Variants in IMPDH1 observed in about 807,000 individuals in gnomAD.
IMPDH1 encodes inosine monophosphate dehydrogenase 1, also known as inosine-5'-monophosphate dehydrogenase 1.
A neutral mutation model predicts 73.5 loss-of-function variants in IMPDH1; 41 were observed. That is an observed-to-expected ratio of 0.56 (90% CI 0.43 to 0.72). The LOEUF is 0.72. Among genes scored for constraint, IMPDH1 ranks in the 30% least tolerant of loss-of-function variants. The probability of loss-of-function intolerance (pLI) is 0.00; values close to 1 mark genes in which losing one functional copy is unlikely to be tolerated. For synonymous variants in IMPDH1, 318 were observed against 334.3 expected (o/e 0.95, Z 0.53); for missense variants, 645 against 824.8 (o/e 0.78, Z 2.67).
At position 128,392,981 on chromosome 7, in the gene IMPDH1, C is replaced by T. The variant is rs755272076; in HGVS notation, c.*26G>A. On this transcript the variant is annotated 3_prime_UTR_variant, in exon 17 of 17. Transcript: ENST00000338791. ...AGTGGACACTGGGGTGCATCCCCTC[C>T]ACCACCTCGGCCTCCACCGCTGTCC... The T allele has an allele frequency of 3.7e-6, 6 of 1,613,264 alleles. No homozygotes were observed. Among genetic ancestry groups the T allele is most frequent in the Non-Finnish European group, 5.1e-6 (6 of 1,179,386 alleles).
Position 128,409,953 on chromosome 7 carries a change from G to A in IMPDH1, c.-52C>T. ...GGAGCCTGGAGGCTCCCGGGGCCCCGGCTGGGCAGTGAGCGCAGCCCGGTC... is the reference window on the plus strand; with the variant it reads ...GGAGCCTGGAGGCTCCCGGGGCCCCAGCTGGGCAGTGAGCGCAGCCCGGTC... On this transcript the variant is annotated 5_prime_UTR_variant, in exon 1 of 17. Transcript: ENST00000338791. 2 of 1,316,430 alleles carry A rather than the reference G, an allele frequency of 1.5e-6. No individual in the cohort carries two copies. Among genetic ancestry groups the A allele is most frequent in the Non-Finnish European group, 1.9e-6 (2 of 1,037,288 alleles). 81.5% of individuals were successfully genotyped at this position (1,316,430 alleles called of 1,614,324 possible). A position where few individuals can be genotyped will look rare whatever the true frequency, so the allele number is the denominator to read the frequency against.
chr7:128,400,421 C>A lies in IMPDH1; in HGVS notation c.698G>T (p.Gly233Val). Reference sequence around the variant, plus strand: ...GCCCACCAGCTTGCTGCCCATGGTGCCCGTCTCAGTGATGGGGATGCCAGA... The same window carrying A: ...GCCCACCAGCTTGCTGCCCATGGTGACCGTCTCAGTGATGGGGATGCCAGA... ...GFSGIPITET[G>V]TMGSKLVGIV... The change falls in exon 8 of 17, where the codon GGC (glycine) becomes GTC (valine). Residue 233 changes from glycine (G) to valine (V), a missense_variant. Physicochemically the swap from Gly to Val is moderately radical, Grantham distance 109 (BLOSUM62 -3). Coordinates refer to ENST00000338791, the MANE Select transcript of IMPDH1 (RefSeq NM_000883.4). 6.2e-7 allele frequency: 1 copy of A among 1,612,316 alleles called. No individual in the cohort carries two copies. The highest frequency in any genetic ancestry group is 8.5e-7 in the Non-Finnish European group (1 of 1,179,860).
intron 3 of IMPDH1, among the ~76,000 whole-genome samples, chr7:128,407,523 G>A (rs1798859260): frequency 6.6e-6 from 1 of 152,200 alleles, no homozygotes; most frequent in African/African-American, 2.4e-5. Flanking sequence ...TGGCCACGTG[G>A]AGCAGAGCAG....
At chr7:128,404,323 G>A (rs1477480850) in intron 4 of IMPDH1, among the ~76,000 whole-genome samples, 1 of 152,172 alleles carries the variant, frequency 6.6e-6, no homozygotes, top group Non-Finnish European at 1.5e-5. Flanking sequence ...GAAATGGCCA[G>A]GACGGGAAAG....
chr7:128,409,165 A>C, intron 3 of IMPDH1, 124 bp downstream of exon 3: 3 of 846,870 alleles, frequency 3.5e-6, no homozygotes, highest in Admixed American at 4.0e-5. Flanking sequence ...CTCTTCCTCC[A>C]GTGTCCCTCA....
chr7:128,408,034 C>T (rs1483564623), intron 3 of IMPDH1, among the ~76,000 whole-genome samples: 1 of 152,210 alleles, frequency 6.6e-6, no homozygotes, highest in Non-Finnish European at 1.5e-5. Flanking sequence ...CACCCTCAAC[C>T]CCCACTCTCA....
rs1329525849 is a variant in IMPDH1, at chr7:128,398,606, C to A, written c.882G>T (p.Leu294=). 1 of 1,612,684 alleles carries A rather than the reference C, an allele frequency of 6.2e-7. No individual in the cohort carries two copies. The highest frequency in any genetic ancestry group is 8.5e-7 in the Non-Finnish European group (1 of 1,179,008). The change falls in exon 10 of 17, where the codon CTG becomes CTT. Residue 294 remains leucine (L), a synonymous_variant. Transcript: ENST00000338791. This position sits in a 1 kb window ranked among gnomAD's most constrained non-coding sequence, Gnocchi z 4.3. ...GCTCATCGCAATCATTGACGATAGG[C>A]AGCTTCCCTGACAAGGAATGCAGGG... ...EILQRSKKGK[L]PIVNDCDELV...
chr7:128,400,566 G>C (rs759832631), intron 7 of IMPDH1, 27 bp from the exon 8 acceptor site: 1 of 1,599,870 alleles, frequency 6.3e-7, no homozygotes, highest in South Asian at 1.1e-5. Flanking sequence ...GGGAGGAAAA[G>C]GCTGGAAGAA....
At chr7:128,404,067 C>T (rs894419104) in intron 4 of IMPDH1, among the ~76,000 whole-genome samples, 11 of 152,204 alleles carry the variant, frequency 7.2e-5, no homozygotes, top group African/African-American at 2.7e-4. Context: ...GTTCCCATAT[C>T]GCCACACACA....
rs988301762 is a variant in IMPDH1 at position 128,400,366 on chromosome 7, A to G, written c.753T>C (p.Leu251=). The G allele has an allele frequency of 5.0e-5, 80 of 1,613,362 alleles. No individual in the cohort carries two copies. Among genetic ancestry groups the G allele is most frequent in the Non-Finnish European group, 6.1e-5 (72 of 1,179,806 alleles). Residue 251 remains leucine (L), a synonymous_variant, in exon 8 of 17, where the codon CTT becomes CTC. Transcript: ENST00000338791. The part of the protein sequence containing the change: ...GIVTSRDIDF[L]AEKDHTTLLS... Reference sequence around the variant, plus strand: ...GGAGGGTGGTGTGGTCCTTCTCAGCAAGAAAGTCGATGTCTCGGGAGGTGA... The same window carrying G: ...GGAGGGTGGTGTGGTCCTTCTCAGCGAGAAAGTCGATGTCTCGGGAGGTGA...
Position 128,400,935 on chromosome 7 carries a change from C to T in IMPDH1, c.505-44G>A, listed in dbSNP as rs764983204. The T allele has an allele frequency of 2.6e-5, 42 of 1,601,552 alleles. No homozygotes were observed. In the Admixed American group the frequency reaches 5.3e-4, roughly 20 times the overall value. On this transcript the variant is annotated intron_variant, in intron 6 of 16. Coordinates refer to ENST00000338791, the MANE Select transcript of IMPDH1 (RefSeq NM_000883.4). ...GTGGTCAGAGCCGGGGCCCATTCCT[C>T]CTCAGCCCTGCCCCTCAGCACAGCC...
At chr7:128,399,978 A>T (rs1798200001) in intron 9 of IMPDH1, 117 bp downstream of exon 9, 3 of 864,156 alleles carry the variant, frequency 3.5e-6, no homozygotes. Context: ...AGGTTATTCG[A>T]ACCTTCCCCA....
chr7:128,397,888 C>G (rs1798040705), intron 10 of IMPDH1, among the ~76,000 whole-genome samples: 1 of 152,130 alleles, frequency 6.6e-6, no homozygotes, highest in East Asian at 1.9e-4. Context: ...TCCCCTCCCA[C>G]CCTCTCCCAT....
Position 128,394,544 on chromosome 7 carries a change from C to T in IMPDH1, c.1606G>A (p.Gly536Arg). The change falls in exon 15 of 17, where the codon GGA becomes AGA. Residue 536 changes from glycine to arginine, a missense_variant. Physicochemically the swap from Gly to Arg is moderately radical, Grantham distance 125 (BLOSUM62 -2). Transcript: ENST00000338791. The surrounding 1 kb of genome is among the most constrained non-coding windows in gnomAD (Gnocchi z 5.5). ...TAGGGCACGAACTTCTGAATGGATC[C>T]TTTGTCCTGGATGGAGCCCGAGACA... The part of the protein sequence containing the change: ...QGVSGSIQDK[G>R]SIQKFVPYLI... 6.2e-7 allele frequency: 1 copy of T among 1,613,992 alleles called. No individual in the cohort carries two copies. Among genetic ancestry groups the T allele is most frequent in the Non-Finnish European group, 8.5e-7 (1 of 1,179,976 alleles).
chr7:128,400,283 C>A (rs763881483), intron 8 of IMPDH1, 50 bp downstream of exon 8: 2 of 1,600,912 alleles, frequency 1.2e-6, no homozygotes, highest in South Asian at 1.1e-5. Context: ...GAGGCCCCAG[C>A]GTGAGGGTCC....
In IMPDH1 at chr7:128,396,122, G is replaced by A. The variant is rs1797896645; in HGVS notation, c.1261+478C>T. ...GAGCACCTCCTCAATAACCACATGG[G>A]GGACACATGCCAGGCTCCCCCCTTC... On this transcript the variant is annotated intron_variant, in intron 12 of 16. Transcript: ENST00000338791. The surrounding 1 kb of genome is among the most constrained non-coding windows in gnomAD (Gnocchi z 4.0). 1.3e-5 allele frequency among the ~76,000 whole-genome samples: 2 copies of A among 152,122 alleles called. No individual in the cohort carries two copies. Among genetic ancestry groups the A allele is most frequent in the Admixed American group, 6.6e-5 (1 of 15,264 alleles).
At chr7:128,408,111 G>A (rs1041258117) in intron 3 of IMPDH1, among the ~76,000 whole-genome samples, 3 of 152,130 alleles carry the variant, frequency 2.0e-5, no homozygotes, top group African/African-American at 7.2e-5. Flanking sequence ...GCAACCAGTC[G>A]GCCTCCGAAG....
Position 128,398,602 on chromosome 7 carries a change from T to C in IMPDH1, c.886A>G (p.Ile296Val), listed in dbSNP as rs771310695. ...LQRSKKGKLP[I>V]VNDCDELVAI... ...ACCAGCTCATCGCAATCATTGACGATAGGCAGCTTCCCTGACAAGGAATGC... is the reference window on the plus strand; with the variant it reads ...ACCAGCTCATCGCAATCATTGACGACAGGCAGCTTCCCTGACAAGGAATGC... The change falls in exon 10 of 17, where the codon ATC (isoleucine) becomes GTC (valine). Residue 296 changes from isoleucine (I) to valine (V), a missense_variant. Transcript: ENST00000338791. The surrounding 1 kb of genome is among the most constrained non-coding windows in gnomAD (Gnocchi z 4.3). 3.7e-6 allele frequency: 6 copies of C among 1,612,764 alleles called. No homozygotes were observed. The highest frequency in any genetic ancestry group is 1.1e-5 in the South Asian group (1 of 91,062).
intron 3 of IMPDH1, among the ~76,000 whole-genome samples, chr7:128,406,392 C>T (rs1348207880): frequency 6.7e-6 from 1 of 149,416 alleles, no homozygotes; most frequent in Non-Finnish European, 1.5e-5. Context: ...ACGGTTCTGC[C>T]GTTCCCCAAT....
Sources: allele counts gnomAD v4.1 joint callset (sites outside exome capture counted in the v4.1 genomes callset), GRCh38; gene constraint gnomAD v4.1.1; non-coding constraint Gnocchi (gnomAD v3.1); transcripts MANE v1.5; gene names NCBI Gene and HGNC (gene_info 2026-07-23, HGNC 2026-07-21).